The following GRID1 variants were observed in gnomAD, a reference collection of about 807,000 sequenced individuals.
The protein encoded by GRID1 is glutamate receptor ionotropic, delta-1.
GRID1 carries 28 observed loss-of-function variants against 98.0 expected under a neutral mutation model. The ratio of observed to expected loss-of-function variants is 0.29; its 90% CI spans 0.21 to 0.39. The LOEUF (loss-of-function observed/expected upper bound fraction) is 0.39. Ranked by LOEUF, GRID1 falls within the 10% of genes least tolerant of loss-of-function variation. The pLI is 1.00. For missense variants in GRID1, 1,111 were observed against 1,340.5 expected (o/e 0.83, Z 2.67); for synonymous variants, 553 against 538.5 (o/e 1.03, Z -0.37).
intron 2 of GRID1, among the ~76,000 whole-genome samples, chr10:86,218,600 C>A (rs1846209080): frequency 2.0e-5 from 3 of 152,226 alleles, no homozygotes. Flanking sequence ...GTGTCCTCAT[C>A]TCTGCACCTG....
intron 2 of GRID1, among the ~76,000 whole-genome samples, chr10:86,226,628 T>C (rs1235756831): frequency 5.3e-3 from 177 of 33,526 alleles, no homozygotes; most frequent in Middle Eastern, 0.031. Context: ...CACCCCAGCA[T>C]ACCCTCCCAC....
Position 85,916,127 on chromosome 10 carries a change from T to A in GRID1, c.780+59A>T. On this transcript the variant is annotated intron_variant, in intron 5 of 15. Coordinates refer to ENST00000327946, the MANE Select transcript of GRID1 (RefSeq NM_017551.3). This position sits in a 1 kb window ranked among gnomAD's most constrained non-coding sequence, Gnocchi z 4.0. ...TGAACTGAAAAGAATCACACTGAGCTTTACAAGGGGCTAGGGGCTCAGTCC... is the reference window on the plus strand; with the variant it reads ...TGAACTGAAAAGAATCACACTGAGCATTACAAGGGGCTAGGGGCTCAGTCC... 6 of 1,269,302 alleles carry A rather than the reference T, an allele frequency of 4.7e-6. No individual in the cohort carries two copies. Among genetic ancestry groups the A allele is most frequent in the Non-Finnish European group, 5.8e-6 (5 of 868,318 alleles). The allele number at this position is 1,269,302 out of a possible 1,614,324, so 78.6% of individuals were successfully genotyped here. A position where few individuals can be genotyped will look rare whatever the true frequency, so the allele number is the denominator to read the frequency against.
intron 8 of GRID1, among the ~76,000 whole-genome samples, chr10:85,775,724 T>C (rs1474824744): frequency 6.6e-6 from 1 of 152,180 alleles, no homozygotes. Flanking sequence ...TTAAATTTTT[T>C]GTAAAAGAAT....
chr10:86,181,999 C>A (rs771064098), intron 3 of GRID1, among the ~76,000 whole-genome samples: 9 of 152,210 alleles, frequency 5.9e-5, no homozygotes, highest in Non-Finnish European at 2.9e-5. Flanking sequence ...TTAGAATTTG[C>A]TGGCATGGAG....
intron 8 of GRID1, among the ~76,000 whole-genome samples, chr10:85,783,374 C>A (rs1842397621): frequency 6.6e-6 from 1 of 152,140 alleles, no homozygotes; most frequent in Admixed American, 6.5e-5. Context: ...AGAGACTGAC[C>A]ACACACAGGT....
intron 2 of GRID1, among the ~76,000 whole-genome samples, chr10:86,332,337 A>T (rs866434380): frequency 1.5e-4 from 23 of 152,168 alleles, no homozygotes; most frequent in South Asian, 1.4e-3. Flanking sequence ...GGAGAATTCT[A>T]GACGGACCCC....
At chr10:85,890,375 A>G (rs566595289) in intron 5 of GRID1, among the ~76,000 whole-genome samples, 1 of 152,316 alleles carries the variant, frequency 6.6e-6, no homozygotes, top group Admixed American at 6.5e-5. Flanking sequence ...TATACAACGT[A>G]TATGTGCATG....
At chr10:86,159,767 T>C (rs1327976550) in intron 3 of GRID1, among the ~76,000 whole-genome samples, 1 of 152,190 alleles carries the variant, frequency 6.6e-6, no homozygotes, top group Non-Finnish European at 1.5e-5. Flanking sequence ...TTACCAACCA[T>C]TTGGCAATGA....
At chr10:86,238,480 C>G (rs1846575629) in intron 2 of GRID1, among the ~76,000 whole-genome samples, 1 of 152,052 alleles carries the variant, frequency 6.6e-6, no homozygotes, top group African/African-American at 2.4e-5. Flanking sequence ...CCCCCCGTCT[C>G]TACTAAAAAT....
chr10:85,952,968 T>C (rs948826352), intron 4 of GRID1, among the ~76,000 whole-genome samples: 1 of 152,230 alleles, frequency 6.6e-6, no homozygotes, highest in East Asian at 1.9e-4. Context: ...ATAGTAACTA[T>C]ATTTTTTTCT....
intron 12 of GRID1, among the ~76,000 whole-genome samples, chr10:85,683,019 C>A (rs1251713876): frequency 6.6e-6 from 1 of 152,100 alleles, no homozygotes; most frequent in African/African-American, 2.4e-5. Context: ...TTTTGTTTTT[C>A]AATCAGTACT....
intron 4 of GRID1, among the ~76,000 whole-genome samples, chr10:86,032,463 C>A (rs1178495832): frequency 6.6e-6 from 1 of 152,176 alleles, no homozygotes; most frequent in African/African-American, 2.4e-5. Context: ...TGGGAGACTC[C>A]ATTTTGTTCT....
chr10:86,037,604 C>A (rs1420173310), intron 4 of GRID1, among the ~76,000 whole-genome samples: 1 of 152,186 alleles, frequency 6.6e-6, no homozygotes, highest in Non-Finnish European at 1.5e-5. Context: ...AGATGCACTA[C>A]AGAGACATCC....
At chr10:86,200,288 CTCCTCCAGGAAGCTCT>C in intron 3 of GRID1, among the ~76,000 whole-genome samples, 1 of 152,244 alleles carries the variant, frequency 6.6e-6, no homozygotes, top group Non-Finnish European at 1.5e-5. Context: ...TAAATGTCAC[CTCCTCCAGGAAGCTCT>C]TCCTAACCAC....
intron 2 of GRID1, among the ~76,000 whole-genome samples, chr10:86,338,578 G>C (rs974108160): frequency 6.6e-6 from 1 of 152,146 alleles, no homozygotes; most frequent in Non-Finnish European, 1.5e-5. Flanking sequence ...CCCAGGGGAG[G>C]GGGGAGTCTC....
At chr10:86,026,730 C>T (rs1843121456) in intron 4 of GRID1, among the ~76,000 whole-genome samples, 1 of 152,206 alleles carries the variant, frequency 6.6e-6, no homozygotes, top group Admixed American at 6.5e-5. Flanking sequence ...ACCCTGGAGC[C>T]AGCACATAGT....
At position 86,213,983 on chromosome 10, in the gene GRID1, C is replaced by T. The variant is rs559445770; in HGVS notation, c.236-7335G>A. ...AATATATCTTGAGCCTGTCGACTTT[C>T]CTCCACTCCACTGCCATCACCTTGG... On this transcript the variant is annotated intron_variant, in intron 2 of 15. Coordinates refer to ENST00000327946, the MANE Select transcript of GRID1 (RefSeq NM_017551.3). Among the ~76,000 whole-genome samples, 73 of 152,296 alleles carry T rather than the reference C, an allele frequency of 4.8e-4. 4 individuals carry two copies. The South Asian group carries it at 0.015, about 31-fold the overall frequency.
intron 12 of GRID1, among the ~76,000 whole-genome samples, chr10:85,718,038 G>C (rs1841659621): frequency 6.6e-6 from 1 of 152,208 alleles, no homozygotes. Context: ...GCAGGGTACA[G>C]CCTCCCTCAT....
At chr10:86,341,828 G>A (rs541169903) in intron 2 of GRID1, among the ~76,000 whole-genome samples, 32 of 152,320 alleles carry the variant, frequency 2.1e-4, no homozygotes, top group South Asian at 1.2e-3. Context: ...AGAGCTGTGC[G>A]CCTGCAGTTC....
Sources: allele counts gnomAD v4.1 joint callset (sites outside exome capture counted in the v4.1 genomes callset), GRCh38; gene constraint gnomAD v4.1.1; non-coding constraint Gnocchi (gnomAD v3.1); transcripts MANE v1.5; gene names NCBI Gene and HGNC (gene_info 2026-07-23, HGNC 2026-07-21).